The following NGEF variants were observed in gnomAD, a reference collection of about 807,000 sequenced individuals.
NGEF encodes neuronal guanine nucleotide exchange factor.
A neutral mutation model predicts 80.9 loss-of-function variants in NGEF; 31 were observed. That is an observed-to-expected ratio of 0.38 (90% confidence interval 0.29 to 0.52). NGEF has a LOEUF of 0.52. NGEF is among the 20% of genes least tolerant of loss of function. The pLI is 0.84. For missense variants in NGEF, 709 were observed against 926.2 expected (o/e 0.77, Z 3.04); for synonymous variants, 371 against 370.2 (o/e 1.00, Z -0.03).
chr2:233,004,900 A>T (rs574893392), intron 1 of NGEF, among the ~76,000 whole-genome samples: 28 of 152,332 alleles, frequency 1.8e-4, no homozygotes, highest in African/African-American at 6.0e-4. Context: ...CCAAAAGCCC[A>T]GACTTTGCCA....
At chr2:232,967,849 A>G (rs1694097849) in intron 3 of NGEF, among the ~76,000 whole-genome samples, 1 of 152,106 alleles carries the variant, frequency 6.6e-6, no homozygotes, top group Non-Finnish European at 1.5e-5. Flanking sequence ...TACAGGGGAT[A>G]CAGTTTCCCT....
intron 5 of NGEF, among the ~76,000 whole-genome samples, chr2:232,914,379 C>G (rs559857670): frequency 6.6e-6 from 1 of 152,214 alleles, no homozygotes; most frequent in African/African-American, 2.4e-5. Flanking sequence ...GGTAGCCACA[C>G]GGAGCTAGTG....
chr2:232,884,201 A>C, intron 10 of NGEF, 57 bp from the exon 11 acceptor site: 1 of 1,491,132 alleles, frequency 6.7e-7, no homozygotes. Context: ...TCCCCAGGAC[A>C]TGCCCCCAGG....
intron 1 of NGEF, among the ~76,000 whole-genome samples, chr2:232,989,719 CT>C (rs1010602460): frequency 6.1e-4 from 93 of 152,240 alleles, no homozygotes; most frequent in African/African-American, 2.2e-3. Context: ...CTTTCAAAAA[CT>C]GTGGTTTCCC....
At chr2:232,938,132 C>G (rs1693364233) in intron 3 of NGEF, among the ~76,000 whole-genome samples, 1 of 152,146 alleles carries the variant, frequency 6.6e-6, no homozygotes, top group Non-Finnish European at 1.5e-5. Context: ...GGCTTAATTG[C>G]TGAAGACTGG....
At chr2:232,972,820 G>C (rs562471838) in intron 2 of NGEF, among the ~76,000 whole-genome samples, 1 of 140,146 alleles carries the variant, frequency 7.1e-6, no homozygotes, top group South Asian at 2.4e-4. Flanking sequence ...GCAGTGGCAT[G>C]GTTTTGGTTC....
At chr2:232,987,503 C>T (rs1694557181) in intron 1 of NGEF, among the ~76,000 whole-genome samples, 1 of 152,048 alleles carries the variant, frequency 6.6e-6, no homozygotes, top group Non-Finnish European at 1.5e-5. Context: ...TGCTGTAGCC[C>T]ATGCAAAGAG....
At chr2:232,978,667 G>A (rs1195859849) in intron 1 of NGEF, among the ~76,000 whole-genome samples, 2 of 151,924 alleles carry the variant, frequency 1.3e-5, no homozygotes, top group Non-Finnish European at 2.9e-5. Context: ...GCCTGCGGAG[G>A]TCAGTAACTG....
intron 3 of NGEF, among the ~76,000 whole-genome samples, chr2:232,941,002 G>T (rs1317275437): frequency 2.0e-5 from 3 of 152,186 alleles, no homozygotes; most frequent in Non-Finnish European, 4.4e-5. Context: ...CTGTGCGGGA[G>T]ACCAGAGTTT....
At chr2:232,928,020 T>TGCGGGGGCCGGG (rs1693120385) in intron 3 of NGEF, 3 of 960,466 alleles carry the variant, frequency 3.1e-6, no homozygotes, top group Non-Finnish European at 3.8e-6. Context: ...GCGGGGCGGG[T>TGCGGGGGCCGGG]GCGGGGGCCG....
At chr2:232,907,452 C>T (rs1021349173) in intron 5 of NGEF, among the ~76,000 whole-genome samples, 30 of 152,142 alleles carry the variant, frequency 2.0e-4, no homozygotes, top group Non-Finnish European at 2.9e-4. Flanking sequence ...TGATTTGGAA[C>T]ATGCAATCTG....
rs140118951 is a variant in NGEF, at chr2:232,966,693, T to C, written c.383+3521A>G. Among the ~76,000 whole-genome samples the C allele has an allele frequency of 3.3e-5, 5 of 152,300 alleles. No homozygotes were observed. The East Asian group carries it at 9.6e-4, about 29-fold the overall frequency. On this transcript the variant is annotated intron_variant, in intron 3 of 14. Transcript: ENST00000264051. ...TGTTAAAATGCAGAAATATTTGTGTTAAAACATTTTTATGTACCAATTGGC... is the reference window on the plus strand; with the variant it reads ...TGTTAAAATGCAGAAATATTTGTGTCAAAACATTTTTATGTACCAATTGGC...
rs1274944227 is a variant in NGEF, at chr2:232,968,093, C to CTTTTTTTTTTTTTTT, written c.383+2120_383+2121insAAAAAAAAAAAAAAA. ...TTGCTGAGGGCAGAAACAGACCTGG[C>CTTTTTTTTTTTTTTT]TTTTTTTTTTTTGAGACAAAGTTTC... On this transcript the variant is annotated intron_variant, in intron 3 of 14. Coordinates refer to ENST00000264051, the MANE Select transcript of NGEF (RefSeq NM_019850.3). Among the ~76,000 whole-genome samples the CTTTTTTTTTTTTTTT allele has an allele frequency of 4.5e-4, 57 of 125,766 alleles. 3 individuals carry two copies. The highest frequency in any genetic ancestry group is 1.5e-3 in the African/African-American group (45 of 29,668). The allele number at this position is 125,766 out of a possible 152,430, so 82.5% of individuals were successfully genotyped here.
chr2:232,949,457 G>A (rs930430889), intron 3 of NGEF, among the ~76,000 whole-genome samples: 14 of 151,682 alleles, frequency 9.2e-5, no homozygotes, highest in African/African-American at 3.1e-4. Context: ...TTTATACTCA[G>A]CTAGTGTGTT....
chr2:232,882,867 G>C (rs1165470903), intron 12 of NGEF, among the ~76,000 whole-genome samples: 1 of 152,162 alleles, frequency 6.6e-6, no homozygotes, highest in East Asian at 1.9e-4. Context: ...TGTCCCTCGT[G>C]GGGGGCCTAG....
chr2:232,999,181 C>T (rs1195530430), intron 1 of NGEF, among the ~76,000 whole-genome samples: 1 of 152,232 alleles, frequency 6.6e-6, no homozygotes, highest in Non-Finnish European at 1.5e-5. Flanking sequence ...ATGGCAGACA[C>T]TCACCATGGC....
At chr2:232,953,316 AAAAAG>A (rs1162686301) in intron 3 of NGEF, among the ~76,000 whole-genome samples, 1 of 149,390 alleles carries the variant, frequency 6.7e-6, no homozygotes, top group Non-Finnish European at 1.5e-5. Context: ...AAAAAAAAAA[AAAAAG>A]AAAAAGAAAG....
In NGEF at chr2:232,977,071, G is replaced by T. The variant is rs544274009; in HGVS notation, c.-74-2107C>A. Among the ~76,000 whole-genome samples the T allele has an allele frequency of 3.9e-5, 6 of 152,234 alleles. No individual in the cohort carries two copies. In the East Asian group the frequency reaches 1.2e-3, roughly 29 times the overall value. ...AGAACCCACAGCTCCAGCGAGATGG[G>T]GTGATTTTCATTCACAGCAAGTTTA... On this transcript the variant is annotated intron_variant, in intron 1 of 14. Coordinates refer to ENST00000264051, the MANE Select transcript of NGEF (RefSeq NM_019850.3).
rs373610522 is a variant in NGEF at position 232,893,094 on chromosome 2, G to C, written c.990-44C>G. 3.1e-6 allele frequency: 5 copies of C among 1,588,720 alleles called. No homozygotes were observed. In the African/African-American group the frequency reaches 6.7e-5, roughly 21 times the overall value. On this transcript the variant is annotated intron_variant, in intron 6 of 14. Coordinates refer to ENST00000264051, the MANE Select transcript of NGEF (RefSeq NM_019850.3). ...TGAGGCGGAGGGTGCCCGGGGGGTAGGGTGGGGAATTGTCTCACCAAGGGC... is the reference window on the plus strand; with the variant it reads ...TGAGGCGGAGGGTGCCCGGGGGGTACGGTGGGGAATTGTCTCACCAAGGGC...
Sources: gnomAD v4.1 joint callset for allele counts (sites outside exome capture counted in the v4.1 genomes callset) on GRCh38, gnomAD v4.1.1 for gene constraint, MANE v1.5 for transcripts, NCBI Gene and HGNC (gene_info 2026-07-23, HGNC 2026-07-21) for gene names.